Variants in PTPRG observed in about 807,000 individuals in gnomAD.
PTPRG encodes protein tyrosine phosphatase receptor type G, also known as receptor-type tyrosine-protein phosphatase gamma.
PTPRG carries 102 observed loss-of-function variants against 165.3 expected under a neutral mutation model. That is an observed-to-expected ratio of 0.62 (90% CI 0.53 to 0.73). The LOEUF (loss-of-function observed/expected upper bound fraction) is 0.73. PTPRG is among the 30% of genes least tolerant of loss of function. PTPRG has a pLI of 0.00. For synonymous variants in PTPRG, 675 were observed against 669.5 expected, an observed-to-expected ratio of 1.01 and a Z score of -0.13; for missense variants, 1,866 against 1,861.4, an observed-to-expected ratio of 1.00 and a Z score of -0.05.
At chr3:61,680,120 A>T (rs1186904154) in intron 1 of PTPRG, among the ~76,000 whole-genome samples, 1 of 152,216 alleles carries the variant, frequency 6.6e-6, no homozygotes, top group Non-Finnish European at 1.5e-5. Flanking sequence ...TACCTGATGC[A>T]GGGAATTGAA....
intron 5 of PTPRG, among the ~76,000 whole-genome samples, chr3:62,115,521 GAA>G (rs1241116496): frequency 6.6e-6 from 1 of 152,062 alleles, no homozygotes; most frequent in Admixed American, 6.6e-5. Flanking sequence ...AACCCAAAGA[GAA>G]TTAATGTCAC....
intron 2 of PTPRG, among the ~76,000 whole-genome samples, chr3:61,821,204 C>T (rs955500630): frequency 6.6e-6 from 1 of 151,418 alleles, no homozygotes; most frequent in African/African-American, 2.4e-5. Flanking sequence ...GAGTCTGGCT[C>T]TGTTGCCCAG....
At chr3:61,944,899 A>C (rs2107612736) in intron 2 of PTPRG, among the ~76,000 whole-genome samples, 1 of 152,230 alleles carries the variant, frequency 6.6e-6, no homozygotes, top group Non-Finnish European at 1.5e-5. Flanking sequence ...CCTGGACTGA[A>C]ATTCCCCGTG....
intron 2 of PTPRG, among the ~76,000 whole-genome samples, chr3:61,861,085 A>G (rs2037256914): frequency 6.6e-6 from 1 of 151,646 alleles, no homozygotes; most frequent in Non-Finnish European, 1.5e-5. Flanking sequence ...GGCTTTTTTA[A>G]TTGTCTGGTT....
At chr3:61,978,729 T>C (rs752657595) in intron 2 of PTPRG, among the ~76,000 whole-genome samples, 3 of 152,316 alleles carry the variant, frequency 2.0e-5, no homozygotes, top group Admixed American at 6.5e-5. Context: ...AGATGATAAA[T>C]ATTTTAGACT....
chr3:61,643,649 G>A lies in PTPRG; in HGVS notation c.85+81277G>A, dbSNP rs148688860. On this transcript the variant is annotated intron_variant, in intron 1 of 29. Coordinates refer to ENST00000474889, the MANE Select transcript of PTPRG (RefSeq NM_002841.4). ...ACAAAAATTAGCTGGGAATGGTGGC[G>A]CACGCCTGTAATCCCAGACAGGAGA... Among the ~76,000 whole-genome samples the A allele has an allele frequency of 5.7e-3, 860 of 152,104 alleles. 34 individuals carry two copies. The East Asian group carries it at 0.093, about 17-fold the overall frequency.
chr3:62,055,897 T>A (rs1415965232), intron 4 of PTPRG, among the ~76,000 whole-genome samples: 5 of 152,192 alleles, frequency 3.3e-5, no homozygotes, highest in Non-Finnish European at 5.9e-5. Flanking sequence ...AGACCCTGTT[T>A]ATAAATTTTC....
chr3:61,718,566 A>G (rs1189429063), intron 1 of PTPRG, among the ~76,000 whole-genome samples: 1 of 152,228 alleles, frequency 6.6e-6, no homozygotes, highest in Non-Finnish European at 1.5e-5. Flanking sequence ...GAAAGCACAG[A>G]AGGAGGTTTT....
chr3:61,900,895 T>G (rs2038483214), intron 2 of PTPRG, among the ~76,000 whole-genome samples: 1 of 152,212 alleles, frequency 6.6e-6, no homozygotes, highest in Non-Finnish European at 1.5e-5. Flanking sequence ...GCAAGGGATC[T>G]AACCTCACGA....
In PTPRG at chr3:62,203,622, T is replaced by G; in HGVS notation, c.1827T>G (p.Ser609Arg). The part of the protein sequence containing the change: ...GEKDSEKKEK[S>R]GVTHAAEERN... ...AGGACTCCGAAAAGAAGGAGAAGAG[T>G]GGGGTGACCCACGCTGCCGAGGAGC... The change falls in exon 12 of 30, where the codon AGT (serine) becomes AGG (arginine). Residue 609 changes from serine to arginine, a missense_variant. This residue lies in a region of PTPRG where 1,452 missense variants were observed against 1,463.0 expected (regional missense o/e 0.99). Coordinates refer to ENST00000474889, the MANE Select transcript of PTPRG (RefSeq NM_002841.4). The surrounding 1 kb of genome is among the most constrained non-coding windows in gnomAD (Gnocchi z 6.4). 6.4e-7 allele frequency: 1 copy of G among 1,553,650 alleles called. No homozygotes were observed.
chr3:61,658,248 T>C (rs1702563140), intron 1 of PTPRG, among the ~76,000 whole-genome samples: 1 of 152,210 alleles, frequency 6.6e-6, no homozygotes, highest in Non-Finnish European at 1.5e-5. Flanking sequence ...ACCCGGTGCC[T>C]GTGGATTCAG....
intron 26 of PTPRG, 26 bp from the exon 27 acceptor site, chr3:62,281,537 G>GGTTTTTTTTTTTTTTTTTTTTTTTTTTTT (rs778994257): frequency 1.7e-5 from 3 of 175,042 alleles, no homozygotes; most frequent in Admixed American, 2.7e-4. Context: ...AACTGCAGAG[G>GGTTTTTTTTTTTTTTTTTTTTTTTTTTTT]CTTTTTTTTT....
At chr3:62,265,924 C>CACACACACACACACACACACACACACA in intron 17 of PTPRG, among the ~76,000 whole-genome samples, 1 of 151,396 alleles carries the variant, frequency 6.6e-6, no homozygotes, top group South Asian at 2.1e-4. Flanking sequence ...CACACACACA[C>CACACACACACACACACACACACACACA]ACCATTCTCT....
chr3:61,820,601 CTGTTTTTTTT>C (rs973190902), intron 2 of PTPRG, among the ~76,000 whole-genome samples: 4 of 98,670 alleles, frequency 4.1e-5, no homozygotes, highest in African/African-American at 1.9e-4. Flanking sequence ...TCCTGTGTCT[CTGTTTTTTTT>C]TTTTTTTTTT....
At chr3:61,810,711 A>G (rs2035548591) in intron 2 of PTPRG, among the ~76,000 whole-genome samples, 1 of 152,156 alleles carries the variant, frequency 6.6e-6, no homozygotes, top group Non-Finnish European at 1.5e-5. Flanking sequence ...TGTCCCTACA[A>G]TGGCCTTTGA....
intron 1 of PTPRG, among the ~76,000 whole-genome samples, chr3:61,737,670 C>A (rs944538503): frequency 2.6e-5 from 4 of 152,082 alleles, no homozygotes; most frequent in African/African-American, 9.7e-5. Context: ...CCACCCCCTT[C>A]ATGATACGGT....
Position 61,748,877 on chromosome 3 carries a change from G to T in PTPRG, c.86-1G>T. 1 of 1,612,736 alleles carries T rather than the reference G, an allele frequency of 6.2e-7. No individual in the cohort carries two copies. Among genetic ancestry groups the T allele is most frequent in the Non-Finnish European group, 8.5e-7 (1 of 1,179,714 alleles). On this transcript the variant is annotated splice_acceptor_variant, in intron 1 of 29. Transcript: ENST00000474889. LOFTEE classifies it high-confidence loss of function. ...TCATTGTGGGTTTTCCTCTCTTCCA[G>T]CGTTGACAGAAGGCTACGTTGGGGC... is the stretch of plus-strand genomic sequence containing the variant.
At position 62,271,614 on chromosome 3, in the gene PTPRG, C is replaced by A; in HGVS notation, c.3182+59C>A. The A allele has an allele frequency of 6.8e-7, 1 of 1,468,104 alleles. No individual in the cohort carries two copies. Among genetic ancestry groups the A allele is most frequent in the Non-Finnish European group, 9.3e-7 (1 of 1,080,586 alleles). 90.9% of individuals were successfully genotyped at this position (1,468,104 alleles called of 1,614,324 possible). A position where few individuals can be genotyped will look rare whatever the true frequency, so the allele number is the denominator to read the frequency against. Reference sequence around the variant, plus strand: ...GGGCAGGGGACTTAGGCCTCAGTGACCTTGGACCACAATGATTGCTACTGC... The same window carrying A: ...GGGCAGGGGACTTAGGCCTCAGTGAACTTGGACCACAATGATTGCTACTGC... On this transcript the variant is annotated intron_variant, in intron 21 of 29. Coordinates refer to ENST00000474889, the MANE Select transcript of PTPRG (RefSeq NM_002841.4). This position sits in a 1 kb window ranked among gnomAD's most constrained non-coding sequence, Gnocchi z 4.1.
chr3:61,852,416 C>A (rs2107369104), intron 2 of PTPRG, among the ~76,000 whole-genome samples: 1 of 152,296 alleles, frequency 6.6e-6, no homozygotes. Flanking sequence ...TAACAATTCA[C>A]AAATGGAATT....
Sources: allele counts gnomAD v4.1 joint callset (sites outside exome capture counted in the v4.1 genomes callset), GRCh38; gene constraint gnomAD v4.1.1; regional missense constraint gnomAD v4.1.1; non-coding constraint Gnocchi (gnomAD v3.1); transcripts MANE v1.5; gene names NCBI Gene and HGNC (gene_info 2026-07-23, HGNC 2026-07-21).